Variants in APP observed in about 807,000 individuals in gnomAD.
APP encodes amyloid-beta precursor protein.
In APP, 31 loss-of-function variants were observed where a neutral mutation model predicts 101.4. That is an observed-to-expected ratio of 0.31 (90% CI 0.23 to 0.41). The LOEUF is 0.41. APP is among the 10% of genes least tolerant of loss of function. The pLI is 1.00. For synonymous variants in APP, 366 were observed against 364.4 expected, an observed-to-expected ratio of 1.00 and a Z score of -0.05; for missense variants, 839 against 1,003.7, an observed-to-expected ratio of 0.84 and a Z score of 2.22.
chr21:25,897,399 C>T (rs2038141862), intron 16 of APP, among the ~76,000 whole-genome samples, 174 bp downstream of exon 16: 1 of 152,220 alleles, frequency 6.6e-6, no homozygotes, highest in South Asian at 2.1e-4. Context: ...CAGGCTTGAG[C>T]CACTGCGCTC....
intron 1 of APP, among the ~76,000 whole-genome samples, chr21:26,152,260 G>A (rs747772918): frequency 1.3e-4 from 16 of 119,126 alleles, no homozygotes; most frequent in Non-Finnish European, 1.9e-4. Context: ...ACTCCAGTCT[G>A]GGCGACAGAG....
intron 2 of APP, among the ~76,000 whole-genome samples, chr21:26,105,257 C>T (rs115243229): frequency 0.011 from 1,649 of 151,906 alleles, 22 homozygotes; most frequent in African/African-American, 0.037. Flanking sequence ...TCCAACAAAA[C>T]GGAATCAAAA....
chr21:26,165,726 A>ATTGCATGTTTC (rs1344582679), intron 1 of APP, among the ~76,000 whole-genome samples: 5 of 152,194 alleles, frequency 3.3e-5, no homozygotes, highest in African/African-American at 4.8e-5. Context: ...CTAAATCTCT[A>ATTGCATGTTTC]TTGCATGTTT....
At chr21:26,094,256 A>T (rs938717861) in intron 2 of APP, among the ~76,000 whole-genome samples, 4 of 152,192 alleles carry the variant, frequency 2.6e-5, no homozygotes, top group Non-Finnish European at 5.9e-5. Context: ...TAGATTTTCC[A>T]AACATAATGC....
At chr21:25,980,096 C>T (rs972249186) in intron 9 of APP, among the ~76,000 whole-genome samples, 2 of 152,006 alleles carry the variant, frequency 1.3e-5, no homozygotes, top group Non-Finnish European at 2.9e-5. Context: ...AAAGGGAAGC[C>T]CAAGATGAGA....
Position 26,170,730 on chromosome 21 carries a change from T to G in APP, c.-110A>C. Reference sequence around the variant, plus strand: ...CGTCTCCCGGGGCCCCCGCGCACGCTCCTCCGCGTGCTCTCGCCTACCGCT... The same window carrying G: ...CGTCTCCCGGGGCCCCCGCGCACGCGCCTCCGCGTGCTCTCGCCTACCGCT... On this transcript the variant is annotated 5_prime_UTR_variant, in exon 1 of 18. Transcript: ENST00000346798. The G allele has an allele frequency of 8.6e-7, 1 of 1,163,866 alleles. No individual in the cohort carries two copies. The allele number at this position is 1,163,866 out of a possible 1,614,324, so 72.1% of individuals were successfully genotyped here. A position where few individuals can be genotyped will look rare whatever the true frequency, so the allele number is the denominator to read the frequency against.
intron 16 of APP, among the ~76,000 whole-genome samples, chr21:25,892,535 T>C (rs2037766771): frequency 1.1e-5 from 1 of 89,958 alleles, no homozygotes; most frequent in African/African-American, 2.7e-5. Context: ...TTTTAAAGCA[T>C]AATGTTATTT....
At chr21:26,136,137 G>GA in intron 1 of APP, among the ~76,000 whole-genome samples, 1 of 96,478 alleles carries the variant, frequency 1.0e-5, no homozygotes, top group Middle Eastern at 5.0e-3. Context: ...TCTCAAAAAA[G>GA]AAAAAAGAAA....
chr21:26,057,786 A>G (rs967309000), intron 3 of APP, among the ~76,000 whole-genome samples: 1 of 152,216 alleles, frequency 6.6e-6, no homozygotes, highest in Non-Finnish European at 1.5e-5. Context: ...GTGGTAACTC[A>G]ACTCACTCAT....
intron 16 of APP, among the ~76,000 whole-genome samples, chr21:25,894,116 C>T (rs570609227): frequency 1.1e-4 from 16 of 152,188 alleles, no homozygotes; most frequent in East Asian, 7.7e-4. Flanking sequence ...ATATTTTAAA[C>T]CCACTGTTGA....
At chr21:25,952,482 C>T (rs146007171) in intron 13 of APP, among the ~76,000 whole-genome samples, 469 of 151,878 alleles carry the variant, frequency 3.1e-3, no homozygotes, top group Non-Finnish European at 3.9e-3. Flanking sequence ...TATTCTTGGG[C>T]ATTTCGTAAT....
At chr21:26,017,576 C>CT (rs1391552569) in intron 6 of APP, among the ~76,000 whole-genome samples, 1 of 148,450 alleles carries the variant, frequency 6.7e-6, no homozygotes, top group African/African-American at 2.5e-5. Context: ...GCCTAGCCAT[C>CT]AGCAGGGGTA....
intron 11 of APP, among the ~76,000 whole-genome samples, chr21:25,970,330 A>G (rs1455919605): frequency 6.6e-6 from 1 of 152,142 alleles, no homozygotes; most frequent in Non-Finnish European, 1.5e-5. Context: ...ACATTTGTTA[A>G]AGCCTCCATT....
chr21:25,913,314 G>A (rs1437048034), intron 13 of APP, among the ~76,000 whole-genome samples: 2 of 152,202 alleles, frequency 1.3e-5, no homozygotes, highest in Non-Finnish European at 2.9e-5. Flanking sequence ...TAGTCCTTTT[G>A]AAGTCTAATC....
At chr21:25,940,574 C>T (rs1404933753) in intron 13 of APP, among the ~76,000 whole-genome samples, 1 of 152,178 alleles carries the variant, frequency 6.6e-6, no homozygotes, top group African/African-American at 2.4e-5. Flanking sequence ...AACTAATTAT[C>T]AGATATGCAT....
At chr21:25,887,540 AC>A (rs987787426) in intron 17 of APP, among the ~76,000 whole-genome samples, 10 of 139,328 alleles carry the variant, frequency 7.2e-5, no homozygotes, top group African/African-American at 2.4e-4. Flanking sequence ...AAAAAAAAAA[AC>A]AACAACTAGC....
At chr21:25,980,592 A>T (rs1350915447) in intron 9 of APP, among the ~76,000 whole-genome samples, 1 of 152,350 alleles carries the variant, frequency 6.6e-6, no homozygotes, top group East Asian at 1.9e-4. Context: ...TACTGTGATT[A>T]TAAGGCTTTT....
intron 3 of APP, among the ~76,000 whole-genome samples, chr21:26,087,925 T>G (rs1397611987): frequency 6.6e-6 from 1 of 152,268 alleles, no homozygotes; most frequent in Non-Finnish European, 1.5e-5. Context: ...ATCTTCTGAC[T>G]TGATATTGAG....
At chr21:26,050,694 A>C (rs944048911) in intron 5 of APP, among the ~76,000 whole-genome samples, 1 of 152,120 alleles carries the variant, frequency 6.6e-6, no homozygotes, top group African/African-American at 2.4e-5. Flanking sequence ...AATGACCAAA[A>C]CAGAACGCCA....
Sources: gnomAD v4.1 joint callset for allele counts (sites outside exome capture counted in the v4.1 genomes callset) on GRCh38, gnomAD v4.1.1 for gene constraint, MANE v1.5 for transcripts, NCBI Gene and HGNC (gene_info 2026-07-23, HGNC 2026-07-21) for gene names.